PDZRN3: variants seen among roughly 807,000 people sequenced by gnomAD.
The protein encoded by PDZRN3 is E3 ubiquitin-protein ligase PDZRN3.
PDZRN3 carries 38 observed loss-of-function variants against 85.7 expected under a neutral mutation model. The observed-to-expected ratio is 0.44, with a 90% CI of 0.34 to 0.58. The LOEUF (loss-of-function observed/expected upper bound fraction) is 0.58. Ranked by LOEUF, PDZRN3 falls within the 20% of genes least tolerant of loss-of-function variation. The probability of loss-of-function intolerance (pLI) is 0.01; values close to 1 mark genes in which losing one functional copy is unlikely to be tolerated. For synonymous variants in PDZRN3, 759 were observed against 638.0 expected (o/e 1.19, Z -2.86); for missense variants, 1,629 against 1,506.4 (o/e 1.08, Z -1.35).
At chr3:73,418,535 A>G (rs1162211914) in intron 3 of PDZRN3, among the ~76,000 whole-genome samples, 6 of 152,162 alleles carry the variant, frequency 3.9e-5, no homozygotes, top group Admixed American at 3.9e-4. Flanking sequence ...ACTGGTACTT[A>G]CACCCTTCTG....
chr3:73,556,128 C>T (rs1398307082), intron 3 of PDZRN3, among the ~76,000 whole-genome samples: 2 of 152,142 alleles, frequency 1.3e-5, no homozygotes, highest in South Asian at 2.1e-4. Context: ...TAATTGCCAA[C>T]ACACTCTTCC....
intron 3 of PDZRN3, among the ~76,000 whole-genome samples, chr3:73,453,150 G>A (rs1252831827): frequency 6.6e-6 from 1 of 152,074 alleles, no homozygotes; most frequent in African/African-American, 2.4e-5. Context: ...GCTCATGCCT[G>A]TAATCCCAGC....
chr3:73,576,136 T>C (rs1702121131), intron 3 of PDZRN3, among the ~76,000 whole-genome samples: 1 of 152,094 alleles, frequency 6.6e-6, no homozygotes, highest in South Asian at 2.1e-4. Context: ...ATATGCACAG[T>C]GGCATACGGA....
Position 73,404,402 on chromosome 3 carries a change from A to T in PDZRN3, c.919-7T>A, listed in dbSNP as rs765941673. On this transcript the variant is annotated splice_polypyrimidine_tract_variant and splice_region_variant and intron_variant, in intron 3 of 9. Transcript: ENST00000263666. ...ATAAGTCTCTGCCGTTGACCTGTGG[A>T]AAAATATTTAGGGTGGGACAAGGTT... 1 of 1,608,902 alleles carries T rather than the reference A, an allele frequency of 6.2e-7. No individual in the cohort carries two copies. The highest frequency in any genetic ancestry group is 1.7e-5 in the Admixed American group (1 of 59,392).
intron 3 of PDZRN3, among the ~76,000 whole-genome samples, chr3:73,529,138 C>T (rs1177870104): frequency 6.6e-6 from 1 of 152,026 alleles, no homozygotes; most frequent in South Asian, 2.1e-4. Flanking sequence ...AAAGTAAGCA[C>T]CTCTGCTGGA....
At chr3:73,600,665 T>C (rs1265383734) in intron 3 of PDZRN3, among the ~76,000 whole-genome samples, 1 of 152,080 alleles carries the variant, frequency 6.6e-6, no homozygotes, top group Non-Finnish European at 1.5e-5. Context: ...CAAGAGAAAA[T>C]CCTGCCCAGC....
intron 5 of PDZRN3, among the ~76,000 whole-genome samples, chr3:73,399,300 G>A (rs1476284063): frequency 1.3e-5 from 2 of 152,086 alleles, no homozygotes; most frequent in Admixed American, 6.5e-5. Context: ...TAAAGATTAC[G>A]AAATAGCCCT....
intron 3 of PDZRN3, among the ~76,000 whole-genome samples, chr3:73,425,714 A>T (rs557319698): frequency 7.9e-5 from 12 of 152,276 alleles, no homozygotes; most frequent in Admixed American, 1.3e-4. Flanking sequence ...ATTTAGGGGC[A>T]ATCTTTATTA....
chr3:73,562,993 ATATATATATATATATATATATTTTTT>A (rs1483713510), intron 3 of PDZRN3, among the ~76,000 whole-genome samples: 6 of 30,128 alleles, frequency 2.0e-4, no homozygotes, highest in African/African-American at 7.2e-4. Flanking sequence ...TTATATATAT[ATATATATATATATATATATATTTTTT>A]TTTTTTTTTT....
At chr3:73,430,175 T>C (rs78418301) in intron 3 of PDZRN3, among the ~76,000 whole-genome samples, 6,109 of 152,292 alleles carry the variant, frequency 0.04, 376 homozygotes, top group African/African-American at 0.14. Flanking sequence ...GGGATGACAG[T>C]ATCACCTATC....
In PDZRN3 at chr3:73,399,551, G is replaced by A. The variant is rs537953949; in HGVS notation, c.1254+1371C>T. Reference sequence around the variant, plus strand: ...GGAAGGAACATACATAACAAATTAAGGAACAAGTGTCCTGAAGGAGTCACG... The same window carrying A: ...GGAAGGAACATACATAACAAATTAAAGAACAAGTGTCCTGAAGGAGTCACG... On this transcript the variant is annotated intron_variant, in intron 5 of 9. Transcript: ENST00000263666. 3.3e-5 allele frequency among the ~76,000 whole-genome samples: 5 copies of A among 152,270 alleles called. No individual in the cohort carries two copies. In the South Asian group the frequency reaches 1.0e-3, roughly 32 times the overall value.
At chr3:73,565,198 G>A (rs377528171) in intron 3 of PDZRN3, among the ~76,000 whole-genome samples, 1 of 148,288 alleles carries the variant, frequency 6.7e-6, no homozygotes. Flanking sequence ...GTGTAATCTC[G>A]GCTCACTGCA....
intron 3 of PDZRN3, among the ~76,000 whole-genome samples, chr3:73,465,769 C>T (rs1004020515): frequency 1.3e-5 from 2 of 152,162 alleles, no homozygotes; most frequent in African/African-American, 2.4e-5. Context: ...TCTACTGCCA[C>T]GGGGATTTAT....
At chr3:73,477,384 T>C (rs1575679736) in intron 3 of PDZRN3, among the ~76,000 whole-genome samples, 1 of 152,144 alleles carries the variant, frequency 6.6e-6, no homozygotes. Flanking sequence ...CAGAATGTCA[T>C]CTCTGACAAA....
intron 3 of PDZRN3, among the ~76,000 whole-genome samples, chr3:73,461,221 C>A (rs1348685625): frequency 6.6e-6 from 1 of 152,216 alleles, no homozygotes; most frequent in Non-Finnish European, 1.5e-5. Context: ...TAAACCCTAT[C>A]ATTTATTTCA....
rs749808042 is a variant in PDZRN3 at position 73,384,725 on chromosome 3, C to T, written c.1841G>A (p.Gly614Asp). ...RKLTCSQDTL[G>D]SGDLPFSNES... ...GTTGCTGAAGGGCAGGTCGCCGCTG[C>T]CCAAGGTGTCCTGGCTGCAGGTGAG... Residue 614 changes from glycine to aspartate, a missense_variant, in exon 10 of 10, where the codon GGC becomes GAC. Transcript: ENST00000263666. The T allele has an allele frequency of 6.2e-7, 1 of 1,614,026 alleles. No homozygotes were observed. Among genetic ancestry groups the T allele is most frequent in the East Asian group, 2.2e-5 (1 of 44,870 alleles).
At chr3:73,471,475 G>A (rs1703339584) in intron 3 of PDZRN3, among the ~76,000 whole-genome samples, 2 of 152,056 alleles carry the variant, frequency 1.3e-5, no homozygotes, top group South Asian at 2.1e-4. Flanking sequence ...TTAATCTAGG[G>A]GCTTCTAGAG....
intron 3 of PDZRN3, among the ~76,000 whole-genome samples, chr3:73,538,830 A>G (rs938675263): frequency 1.3e-5 from 2 of 152,188 alleles, no homozygotes; most frequent in African/African-American, 2.4e-5. Context: ...CAACTGATGC[A>G]TAAGAGACGT....
At chr3:73,619,494 T>A (rs1702817759) in intron 1 of PDZRN3, among the ~76,000 whole-genome samples, 1 of 152,182 alleles carries the variant, frequency 6.6e-6, no homozygotes, top group Non-Finnish European at 1.5e-5. Flanking sequence ...AAAGAACCAT[T>A]GTCTAGTGAT....
Sources: gnomAD v4.1 joint callset for allele counts (sites outside exome capture counted in the v4.1 genomes callset) on GRCh38, gnomAD v4.1.1 for gene constraint, MANE v1.5 for transcripts, NCBI Gene and HGNC (gene_info 2026-07-23, HGNC 2026-07-21) for gene names.